CHST8: variants seen among roughly 807,000 people sequenced by gnomAD.
CHST8 encodes GALNAC-4-ST1.
Under a neutral mutation model 15.0 loss-of-function variants are expected in CHST8, and 10 were observed. The ratio of observed to expected loss-of-function variants is 0.67; its 90% confidence interval spans 0.41 to 1.13. The LOEUF (loss-of-function observed/expected upper bound fraction) is 1.13, where lower values mean the gene tolerates loss of function less well. Ranked by LOEUF, CHST8 falls within the 50% of genes most tolerant of loss-of-function variation. CHST8 has a pLI of 0.00. For synonymous variants in CHST8, 259 were observed against 256.6 expected, an observed-to-expected ratio of 1.01 and a Z score of -0.09; for missense variants, 634 against 608.2, an observed-to-expected ratio of 1.04 and a Z score of -0.45.
intron 3 of CHST8, 31 bp from the exon 4 acceptor site, chr19:33,771,382 A>G: frequency 6.2e-7 from 1 of 1,612,888 alleles, no homozygotes; most frequent in Non-Finnish European, 8.5e-7. Flanking sequence ...CAGATCCGCT[A>G]ATACTGTCCT....
chr19:33,749,855 C>T (rs77772339), intron 3 of CHST8, among the ~76,000 whole-genome samples: 3,235 of 152,288 alleles, frequency 0.021, 54 homozygotes, highest in East Asian at 0.027. Flanking sequence ...GTCCAGCTGG[C>T]GCACCAAGCA....
intron 3 of CHST8, among the ~76,000 whole-genome samples, chr19:33,737,483 G>A (rs867002563): frequency 2.6e-5 from 4 of 152,182 alleles, no homozygotes; most frequent in African/African-American, 9.7e-5. Context: ...CATAATTAGA[G>A]CTGGGACAAA....
chr19:33,645,766 GTTC>G (rs1277756872), intron 1 of CHST8, among the ~76,000 whole-genome samples: 2 of 152,196 alleles, frequency 1.3e-5, no homozygotes, highest in Non-Finnish European at 2.9e-5. Flanking sequence ...ACCCCAATGG[GTTC>G]TTCTTATTGG....
intron 1 of CHST8, among the ~76,000 whole-genome samples, chr19:33,648,901 A>C (rs1600235472): frequency 2.9e-5 from 1 of 34,096 alleles, no homozygotes; most frequent in East Asian, 6.9e-4. Flanking sequence ...GGAATGAAGC[A>C]CTTTTTTTTT....
intron 3 of CHST8, among the ~76,000 whole-genome samples, chr19:33,761,348 G>A (rs1446156335): frequency 2.7e-5 from 4 of 149,694 alleles, no homozygotes; most frequent in African/African-American, 9.8e-5. Flanking sequence ...TTTTTTTTCT[G>A]AGACAGAGTC....
intron 3 of CHST8, among the ~76,000 whole-genome samples, chr19:33,718,420 A>G (rs1474501578): frequency 6.6e-6 from 1 of 151,940 alleles, no homozygotes; most frequent in South Asian, 2.1e-4. Flanking sequence ...CACCCCTGCC[A>G]TCTGCCTGTC....
intron 3 of CHST8, among the ~76,000 whole-genome samples, chr19:33,725,777 C>T (rs1407198055): frequency 6.6e-6 from 1 of 152,214 alleles, no homozygotes; most frequent in Non-Finnish European, 1.5e-5. Flanking sequence ...CCCCTTATCT[C>T]TAGCCTCATC....
intron 1 of CHST8, among the ~76,000 whole-genome samples, chr19:33,648,983 A>G (rs1972396362): frequency 1.5e-5 from 2 of 133,722 alleles, no homozygotes; most frequent in Non-Finnish European, 3.0e-5. Context: ...GGCTCACTGC[A>G]AGCTCCACCC....
intron 1 of CHST8, among the ~76,000 whole-genome samples, chr19:33,638,478 C>T (rs1172351912): frequency 6.6e-6 from 1 of 152,140 alleles, no homozygotes; most frequent in South Asian, 2.1e-4. Context: ...AGGACTTCAT[C>T]TGAATTTCAT....
rs569608673 is a variant in CHST8 at position 33,640,648 on chromosome 19, A to T, written c.-164+18352A>T. Among the ~76,000 whole-genome samples, 184 of 152,368 alleles carry T rather than the reference A, an allele frequency of 1.2e-3. 1 individual carries two copies. The highest frequency in any genetic ancestry group is 4.2e-3 in the African/African-American group (173 of 41,584). On this transcript the variant is annotated intron_variant, in intron 1 of 4. Transcript: ENST00000650847. ...CTTTTTTATGTTATTACAAAATTGA[A>T]ATGGACTCTAATGACAGTCGGAATT...
At chr19:33,688,824 G>A (rs577312758) in intron 2 of CHST8, among the ~76,000 whole-genome samples, 49 of 152,290 alleles carry the variant, frequency 3.2e-4, no homozygotes, top group African/African-American at 1.0e-3. Flanking sequence ...CTGGGAGCAC[G>A]CATGCTTATT....
rs534547239 is a variant in CHST8 at position 33,714,678 on chromosome 19, G to A, written c.130+25287G>A. 6.6e-5 allele frequency among the ~76,000 whole-genome samples: 10 copies of A among 152,334 alleles called. 1 individual carries two copies. Among genetic ancestry groups the A allele is most frequent in the African/African-American group, 2.4e-4 (10 of 41,566 alleles). On this transcript the variant is annotated intron_variant, in intron 3 of 4. Coordinates refer to ENST00000650847, the MANE Select transcript of CHST8 (RefSeq NM_001127895.2). Reference sequence around the variant, plus strand: ...CACATGTCCTGGGAGGGACCCAGTGGGAGGTGATTGAATCATGGGAGTGGG... The same window carrying A: ...CACATGTCCTGGGAGGGACCCAGTGAGAGGTGATTGAATCATGGGAGTGGG...
chr19:33,727,526 G>GTGC (rs2145319954), intron 3 of CHST8, among the ~76,000 whole-genome samples: 2 of 152,310 alleles, frequency 1.3e-5, no homozygotes, highest in South Asian at 4.1e-4. Context: ...TGGTCAGGCC[G>GTGC]TGCTTGGGGC....
Position 33,650,518 on chromosome 19 carries a change from CTTT to C in CHST8, c.-163-17222_-163-17220del, listed in dbSNP as rs869057036. On this transcript the variant is annotated intron_variant, in intron 1 of 4. Transcript: ENST00000650847. ...TTCTTTTTCTTTTTCTTTTTCTTTT[CTTT>C]TTTTTTTTTTTTTTTTTTTTTTTTT... 8.3e-3 allele frequency among the ~76,000 whole-genome samples: 299 copies of C among 36,090 alleles called. 23 individuals carry two copies. Among genetic ancestry groups the C allele is most frequent in the African/African-American group, 0.016 (125 of 7,690 alleles). The allele number at this position is 36,090 out of a possible 152,430, so 23.7% of individuals were successfully genotyped here.
chr19:33,736,994 C>T (rs1175587680), intron 3 of CHST8, among the ~76,000 whole-genome samples: 6 of 152,140 alleles, frequency 3.9e-5, no homozygotes, highest in African/African-American at 1.4e-4. Flanking sequence ...AATTATAATA[C>T]ATTAGCATGC....
chr19:33,707,292 G>A (rs147842800), intron 3 of CHST8, among the ~76,000 whole-genome samples: 51 of 152,262 alleles, frequency 3.3e-4, no homozygotes, highest in African/African-American at 1.1e-3. Flanking sequence ...TGCCTCAAGT[G>A]ATTCTCCTGC....
At chr19:33,654,237 C>A (rs2145214248) in intron 1 of CHST8, among the ~76,000 whole-genome samples, 1 of 152,064 alleles carries the variant, frequency 6.6e-6, no homozygotes, top group South Asian at 2.1e-4. Flanking sequence ...TTCTTTCATG[C>A]CTGTTTTATT....
Position 33,683,764 on chromosome 19 carries a change from C to T in CHST8, c.-86-5412C>T, listed in dbSNP as rs73926584. On this transcript the variant is annotated intron_variant, in intron 2 of 4. Coordinates refer to ENST00000650847, the MANE Select transcript of CHST8 (RefSeq NM_001127895.2). ...ACAAAGATGGGGAGAGGCCTCGATG[C>T]GATTCCCGATTCAGAGGCAGGTGGC... is the stretch of plus-strand genomic sequence containing the variant. Among the ~76,000 whole-genome samples the T allele has an allele frequency of 4.6e-3, 708 of 152,282 alleles. 7 individuals carry two copies. Among genetic ancestry groups the T allele is most frequent in the African/African-American group, 0.016 (675 of 41,552 alleles).
At chr19:33,732,025 G>A (rs138626195) in intron 3 of CHST8, among the ~76,000 whole-genome samples, 262 of 152,266 alleles carry the variant, frequency 1.7e-3, no homozygotes, top group African/African-American at 5.9e-3. Context: ...GGACAGCTGC[G>A]TCTCCACTTC....
Sources: allele counts gnomAD v4.1 joint callset (sites outside exome capture counted in the v4.1 genomes callset), GRCh38; gene constraint gnomAD v4.1.1; transcripts MANE v1.5; gene names NCBI Gene and HGNC (gene_info 2026-07-23, HGNC 2026-07-21).